Variants in CELSR1 observed in about 807,000 individuals in gnomAD.
CELSR1 encodes adhesion G protein-coupled receptor C1.
Under a neutral mutation model 249.1 loss-of-function variants are expected in CELSR1, and 110 were observed. The observed-to-expected ratio is 0.44, with a 90% CI of 0.38 to 0.52. The LOEUF is 0.52. Among genes scored for constraint, CELSR1 ranks in the 20% least tolerant of loss-of-function variants. The pLI, the probability that CELSR1 is intolerant of heterozygous loss-of-function variation, is 0.00. For synonymous variants in CELSR1, 2,113 were observed against 1,900.0 expected, an observed-to-expected ratio of 1.11 and a Z score of -2.92; for missense variants, 4,109 against 4,296.4, an observed-to-expected ratio of 0.96 and a Z score of 1.22.
intron 31 of CELSR1, 65 bp downstream of exon 31, chr22:46,365,521 T>G (rs1602019572): frequency 1.3e-6 from 2 of 1,542,262 alleles, no homozygotes; most frequent in East Asian, 2.4e-5. Context: ...GGGCAGTCTG[T>G]CCAGTGACCG....
Position 46,492,193 on chromosome 22 carries a change from G to A in CELSR1, c.3545-27848C>T, listed in dbSNP as rs541032836. Among the ~76,000 whole-genome samples, 7 of 152,274 alleles carry A rather than the reference G, an allele frequency of 4.6e-5. No individual in the cohort carries two copies. In the South Asian group the frequency reaches 6.2e-4, roughly 14 times the overall value. ...CAGTCATTCCTCCAGGAATGAAGCC[G>A]GCCAACATGCCAGATGCTACCAGAC... On this transcript the variant is annotated intron_variant, in intron 1 of 34. Coordinates refer to ENST00000674500, the MANE Select transcript of CELSR1 (RefSeq NM_001378328.1).
At chr22:46,383,462 C>CT (rs1477559704) in intron 20 of CELSR1, among the ~76,000 whole-genome samples, 1 of 152,152 alleles carries the variant, frequency 6.6e-6, no homozygotes, top group Non-Finnish European at 1.5e-5. Flanking sequence ...AGCATTCTGG[C>CT]TTTTTTGTTG....
chr22:46,432,383 G>A (rs2079606030), intron 5 of CELSR1, among the ~76,000 whole-genome samples: 1 of 152,184 alleles, frequency 6.6e-6, no homozygotes, highest in Admixed American at 6.5e-5. Flanking sequence ...CGATTCTCCT[G>A]GAGGACAGAG....
chr22:46,425,680 G>A (rs917096468), intron 5 of CELSR1, among the ~76,000 whole-genome samples: 4 of 148,528 alleles, frequency 2.7e-5, no homozygotes, highest in African/African-American at 9.7e-5. Context: ...CACGCTAGAA[G>A]TTTTCCCCCG....
rs1279319794 is a variant in CELSR1 at position 46,391,097 on chromosome 22, GA to G, written c.6250+88del. Reference sequence around the variant, plus strand: ...TTGCCTGCGGATATTTTTTCAACACGAAACATTCCATGAGTCCCCACATCTC... The same window carrying G: ...TTGCCTGCGGATATTTTTTCAACACGAACATTCCATGAGTCCCCACATCTC... On this transcript the variant is annotated intron_variant, in intron 16 of 34. Coordinates refer to ENST00000674500, the MANE Select transcript of CELSR1 (RefSeq NM_001378328.1). The surrounding 1 kb of genome is among the most constrained non-coding windows in gnomAD (Gnocchi z 4.3). 1.8e-6 allele frequency: 2 copies of G among 1,087,042 alleles called. No individual in the cohort carries two copies. The highest frequency in any genetic ancestry group is 2.7e-6 in the Non-Finnish European group (2 of 742,720). 67.3% of individuals were successfully genotyped at this position (1,087,042 alleles called of 1,614,324 possible).
At chr22:46,442,814 T>A (rs538722049) in intron 2 of CELSR1, among the ~76,000 whole-genome samples, 59 of 152,170 alleles carry the variant, frequency 3.9e-4, no homozygotes, top group African/African-American at 1.4e-3. Context: ...TAACTGGGCC[T>A]GGCGCGGTGG....
chr22:46,377,378 T>C, intron 23 of CELSR1, 117 bp from the exon 24 acceptor site: 2 of 1,199,482 alleles, frequency 1.7e-6, no homozygotes, highest in South Asian at 1.4e-5. Flanking sequence ...GCTGGCAGGA[T>C]CAGGCTGGGC....
intron 4 of CELSR1, among the ~76,000 whole-genome samples, chr22:46,435,903 G>T (rs995759075): frequency 6.6e-6 from 1 of 151,728 alleles, no homozygotes. Context: ...GTTTCACCAT[G>T]TTGGTCAGGC....
intron 1 of CELSR1, among the ~76,000 whole-genome samples, chr22:46,509,634 A>C (rs1481258613): frequency 7.4e-6 from 1 of 134,412 alleles, no homozygotes; most frequent in Admixed American, 7.8e-5. Flanking sequence ...AGAGGCCCTG[A>C]ATATCAGCAG....
At chr22:46,507,467 G>A (rs1050816443) in intron 1 of CELSR1, among the ~76,000 whole-genome samples, 3 of 151,834 alleles carry the variant, frequency 2.0e-5, no homozygotes, top group South Asian at 2.1e-4. Context: ...CTGCCCCAGC[G>A]GCTCCCTCCC....
intron 5 of CELSR1, among the ~76,000 whole-genome samples, chr22:46,432,423 C>G (rs1235386206): frequency 6.6e-6 from 1 of 152,166 alleles, no homozygotes; most frequent in Non-Finnish European, 1.5e-5. Flanking sequence ...AAGCTTAGGC[C>G]CCAGCCTTGT....
intron 23 of CELSR1, 111 bp downstream of exon 23, chr22:46,378,480 G>T: frequency 8.1e-7 from 1 of 1,231,432 alleles, no homozygotes; most frequent in Non-Finnish European, 1.1e-6. Flanking sequence ...TTGGGGGCAG[G>T]CTCAGCAGGT....
In CELSR1 at chr22:46,434,052, A is replaced by G. The variant is rs950700387; in HGVS notation, c.4523-571T>C. 3.9e-5 allele frequency among the ~76,000 whole-genome samples: 6 copies of G among 152,236 alleles called. No individual in the cohort carries two copies. The highest frequency in any genetic ancestry group is 1.4e-4 in the African/African-American group (6 of 41,462). ...ATCTGTCTGTACCAGCAGCAGTCAC[A>G]CCTACACCGCACCAGAGGTCGAACC... On this transcript the variant is annotated intron_variant, in intron 4 of 34. Transcript: ENST00000674500. The surrounding 1 kb of genome is among the most constrained non-coding windows in gnomAD (Gnocchi z 4.9).
chr22:46,366,344 A>T, intron 30 of CELSR1, 42 bp downstream of exon 30: 1 of 1,425,166 alleles, frequency 7.0e-7, no homozygotes, highest in Non-Finnish European at 9.4e-7. Flanking sequence ...AACCTGAGGG[A>T]GTTCGAGAGC....
In CELSR1 at chr22:46,518,721, C is replaced by G. The variant is rs1274909273; in HGVS notation, c.3544+14906G>C. Reference sequence around the variant, plus strand: ...TGTGGCCTCCTCATTGTGTGTCTGTCTCTGTCTTCTCTCTTATAAAGACTC... The same window carrying G: ...TGTGGCCTCCTCATTGTGTGTCTGTGTCTGTCTTCTCTCTTATAAAGACTC... On this transcript the variant is annotated intron_variant, in intron 1 of 34. Transcript: ENST00000674500. This position sits in a 1 kb window ranked among gnomAD's most constrained non-coding sequence, Gnocchi z 5.2. Among the ~76,000 whole-genome samples the G allele has an allele frequency of 6.6e-6, 1 of 152,168 alleles. No individual in the cohort carries two copies. The highest frequency in any genetic ancestry group is 2.4e-5 in the African/African-American group (1 of 41,440).
In CELSR1 at chr22:46,488,558, G is replaced by A. The variant is rs187651396; in HGVS notation, c.3545-24213C>T. ...AGAGGGAAGCCCCACAGGCCTAGCT[G>A]AGGGACACAAAAAGAACAAACGCAC... On this transcript the variant is annotated intron_variant, in intron 1 of 34. Coordinates refer to ENST00000674500, the MANE Select transcript of CELSR1 (RefSeq NM_001378328.1). This position sits in a 1 kb window ranked among gnomAD's most constrained non-coding sequence, Gnocchi z 4.7. Among the ~76,000 whole-genome samples the A allele has an allele frequency of 5.3e-5, 8 of 152,304 alleles. No individual in the cohort carries two copies. The East Asian group carries it at 1.3e-3, about 26-fold the overall frequency.
In CELSR1 at chr22:46,500,764, G is replaced by A. The variant is rs911249362; in HGVS notation, c.3544+32863C>T. 2.6e-5 allele frequency among the ~76,000 whole-genome samples: 4 copies of A among 152,096 alleles called. No homozygotes were observed. Among genetic ancestry groups the A allele is most frequent in the Non-Finnish European group, 4.4e-5 (3 of 68,020 alleles). On this transcript the variant is annotated intron_variant, in intron 1 of 34. Coordinates refer to ENST00000674500, the MANE Select transcript of CELSR1 (RefSeq NM_001378328.1). The surrounding 1 kb of genome is among the most constrained non-coding windows in gnomAD (Gnocchi z 4.9). ...CAGTTTCAGAATGAAGCTCACCACCGTGTCCCCACAACTGGAGCTGCCCGG... is the reference window on the plus strand; with the variant it reads ...CAGTTTCAGAATGAAGCTCACCACCATGTCCCCACAACTGGAGCTGCCCGG...
chr22:46,451,194 G>T (rs1352686195), intron 2 of CELSR1, among the ~76,000 whole-genome samples: 2 of 152,090 alleles, frequency 1.3e-5, no homozygotes, highest in African/African-American at 4.8e-5. Flanking sequence ...ACCTACAGGC[G>T]GCCCAGCCCT....
intron 14 of CELSR1, among the ~76,000 whole-genome samples, chr22:46,392,971 C>G (rs1382668739): frequency 6.6e-6 from 1 of 152,182 alleles, no homozygotes; most frequent in Non-Finnish European, 1.5e-5. Flanking sequence ...ACGTGTGGAC[C>G]GACCCTGACC....
Sources: allele counts gnomAD v4.1 joint callset (sites outside exome capture counted in the v4.1 genomes callset), GRCh38; gene constraint gnomAD v4.1.1; non-coding constraint Gnocchi (gnomAD v3.1); transcripts MANE v1.5; gene names NCBI Gene and HGNC (gene_info 2026-07-23, HGNC 2026-07-21).